FOXP2: variants seen among roughly 807,000 people sequenced by gnomAD.
FOXP2 encodes forkhead box P2, also known as forkhead box protein P2.
In FOXP2, 12 loss-of-function variants were observed where a neutral mutation model predicts 115.8. The ratio of observed to expected loss-of-function variants is 0.10; its 90% CI spans 0.07 to 0.17. The LOEUF (loss-of-function observed/expected upper bound fraction) is 0.17, where lower values mean the gene tolerates loss of function less well. FOXP2 is among the 10% of genes least tolerant of loss of function. The pLI is 1.00. For synonymous variants in FOXP2, 328 were observed against 297.7 expected (o/e 1.10, Z -1.05); for missense variants, 629 against 843.5 (o/e 0.75, Z 3.15).
At chr7:114,297,310 C>A in intron 2 of FOXP2, 1 of 569,756 alleles carries the variant, frequency 1.8e-6, no homozygotes, top group South Asian at 1.7e-5. Context: ...ATGTCCCACG[C>A]AAACTTGGTG....
In FOXP2 at chr7:114,273,048, C is replaced by A. The variant is rs562627915; in HGVS notation, c.-101-14971C>A. The stretch of plus-strand genomic sequence containing the variant: ...CAAACATAGGTCATGGATTTCATAT[C>A]TTTTTTTCTTTTCTAATATTGCATT... On this transcript the variant is annotated intron_variant, in intron 1 of 17. Transcript: ENST00000634411. Among the ~76,000 whole-genome samples, 12 of 151,912 alleles carry A rather than the reference C, an allele frequency of 7.9e-5. No individual in the cohort carries two copies. The South Asian group carries it at 2.5e-3, about 31-fold the overall frequency.
chr7:114,669,823 T>C (rs1331843675), intron 16 of FOXP2: 1 of 152,080 alleles, frequency 6.6e-6, no homozygotes, highest in African/African-American at 2.4e-5. Context: ...CCATGTTTAG[T>C]TCTACTCAGT....
chr7:114,569,170 A>G (rs1425968958), intron 3 of FOXP2, among the ~76,000 whole-genome samples: 1 of 151,806 alleles, frequency 6.6e-6, no homozygotes, highest in African/African-American at 2.4e-5. Flanking sequence ...TTTTTTAAGG[A>G]TGCTTATGAC....
intron 10 of FOXP2, 24 bp downstream of exon 10, chr7:114,654,033 C>G (rs1276417682): frequency 5.6e-6 from 9 of 1,612,842 alleles, no homozygotes; most frequent in African/African-American, 1.3e-5. Flanking sequence ...GCTTTATAAA[C>G]AGTAAATAGC....
chr7:114,380,367 G>T (rs1562895125), intron 2 of FOXP2, among the ~76,000 whole-genome samples: 1 of 152,108 alleles, frequency 6.6e-6, no homozygotes, highest in Non-Finnish European at 1.5e-5. Flanking sequence ...TATTAGTTTT[G>T]CCAGCTGAGC....
chr7:114,552,479 T>A (rs936688151), intron 3 of FOXP2, among the ~76,000 whole-genome samples: 1 of 152,180 alleles, frequency 6.6e-6, no homozygotes, highest in Non-Finnish European at 1.5e-5. Flanking sequence ...GTAACATATA[T>A]TTACAAAAAA....
intron 3 of FOXP2, among the ~76,000 whole-genome samples, chr7:114,606,421 A>T (rs10248158): frequency 0.031 from 4,743 of 152,292 alleles, 228 homozygotes; most frequent in African/African-American, 0.11. Flanking sequence ...CTGTCCTCAA[A>T]ACCTACAAAA....
At position 114,642,642 on chromosome 7, in the gene FOXP2, A is replaced by T. The variant is rs1305263093; in HGVS notation, c.989+19A>T. ...GAGACAGGTAAATCTCATGAGCTTTATTCTATATTTATCTATTTTCAGATT... is the reference window on the plus strand; with the variant it reads ...GAGACAGGTAAATCTCATGAGCTTTTTTCTATATTTATCTATTTTCAGATT... On this transcript the variant is annotated intron_variant, in intron 7 of 16. Coordinates refer to ENST00000350908, the MANE Select transcript of FOXP2 (RefSeq NM_014491.4). 1.3e-6 allele frequency: 2 copies of T among 1,599,510 alleles called. No homozygotes were observed. Among genetic ancestry groups the T allele is most frequent in the Non-Finnish European group, 1.7e-6 (2 of 1,167,624 alleles).
At chr7:114,511,848 A>G (rs1384454028) in intron 2 of FOXP2, among the ~76,000 whole-genome samples, 1 of 152,248 alleles carries the variant, frequency 6.6e-6, no homozygotes, top group African/African-American at 2.4e-5. Flanking sequence ...TGTATTCTGC[A>G]TAATCATTTA....
At chr7:114,486,714 T>A (rs1162227516) in intron 2 of FOXP2, among the ~76,000 whole-genome samples, 1 of 152,188 alleles carries the variant, frequency 6.6e-6, no homozygotes, top group Non-Finnish European at 1.5e-5. Flanking sequence ...TGGGAGAAAT[T>A]GGCCAAAATG....
chr7:114,311,200 C>A, intron 2 of FOXP2, among the ~76,000 whole-genome samples: 1 of 152,082 alleles, frequency 6.6e-6, no homozygotes, highest in Non-Finnish European at 1.5e-5. Flanking sequence ...TGATATGTGT[C>A]TGTCAGGTTG....
intron 1 of FOXP2, among the ~76,000 whole-genome samples, chr7:114,181,104 GTTTAA>G (rs1057453323): frequency 6.6e-6 from 1 of 151,522 alleles, no homozygotes; most frequent in African/African-American, 2.4e-5. Context: ...ACCTATGCTG[GTTTAA>G]TTTAATTAAT....
chr7:114,142,529 A>T (rs1022460945), intron 1 of FOXP2, among the ~76,000 whole-genome samples: 3 of 152,216 alleles, frequency 2.0e-5, no homozygotes, highest in African/African-American at 7.2e-5. Context: ...AATTTCCAGA[A>T]GGTCCATTTT....
At chr7:114,554,645 T>C (rs992412148) in intron 3 of FOXP2, among the ~76,000 whole-genome samples, 2 of 152,188 alleles carry the variant, frequency 1.3e-5, no homozygotes, top group African/African-American at 4.8e-5. Flanking sequence ...ATTACAATGA[T>C]AGCTTTTGAT....
At chr7:114,215,700 C>T (rs1170497577) in intron 1 of FOXP2, among the ~76,000 whole-genome samples, 1 of 151,226 alleles carries the variant, frequency 6.6e-6, no homozygotes, top group Non-Finnish European at 1.5e-5. Flanking sequence ...CTGAATGGTA[C>T]CTGGCACATA....
intron 1 of FOXP2, among the ~76,000 whole-genome samples, chr7:114,276,825 G>A (rs1796201406): frequency 6.6e-6 from 1 of 152,082 alleles, no homozygotes; most frequent in Admixed American, 6.5e-5. Context: ...TTCTTGTTAG[G>A]GTGGAGTGGT....
chr7:114,265,933 C>A (rs764344797), intron 1 of FOXP2, among the ~76,000 whole-genome samples: 2 of 152,090 alleles, frequency 1.3e-5, no homozygotes, highest in Non-Finnish European at 2.9e-5. Flanking sequence ...TGAGGTTGTG[C>A]AGGGCAATAG....
intron 3 of FOXP2, among the ~76,000 whole-genome samples, chr7:114,600,958 C>CTTT (rs202150462): frequency 7.1e-6 from 1 of 139,914 alleles, no homozygotes; most frequent in Non-Finnish European, 1.6e-5. Flanking sequence ...TTGTCAGTAT[C>CTTT]TTTTTTTTTT....
intron 2 of FOXP2, among the ~76,000 whole-genome samples, chr7:114,368,563 G>T (rs1270496444): frequency 1.3e-5 from 2 of 152,158 alleles, no homozygotes; most frequent in Non-Finnish European, 2.9e-5. Flanking sequence ...AGAACAAGTG[G>T]TTGTAAAATA....
Sources: gnomAD v4.1 joint callset for allele counts (sites outside exome capture counted in the v4.1 genomes callset) on GRCh38, gnomAD v4.1.1 for gene constraint, MANE v1.5 for transcripts, NCBI Gene and HGNC (gene_info 2026-07-23, HGNC 2026-07-21) for gene names.